FGF14: variants seen among roughly 807,000 people sequenced by gnomAD.
FGF14 encodes fibroblast growth factor homologous factor 4.
Under a neutral mutation model 25.5 loss-of-function variants are expected in FGF14, and 5 were observed. That is an observed-to-expected ratio of 0.20 (90% CI 0.10 to 0.41). FGF14 has a LOEUF of 0.41. Ranked by LOEUF, FGF14 falls within the 10% of genes least tolerant of loss-of-function variation. The pLI is 1.00. For missense variants in FGF14, 222 were observed against 320.1 expected (o/e 0.69, Z 2.34); for synonymous variants, 138 against 118.3 (o/e 1.17, Z -1.08).
intron 1 of FGF14, among the ~76,000 whole-genome samples, chr13:102,297,776 G>T (rs1234043707): frequency 4.6e-5 from 7 of 151,474 alleles, no homozygotes; most frequent in Non-Finnish European, 7.4e-5. Context: ...TGCATCTGCA[G>T]TCCCAGCTAC....
At chr13:101,938,558 A>G (rs1384360997) in intron 1 of FGF14, among the ~76,000 whole-genome samples, 1 of 152,216 alleles carries the variant, frequency 6.6e-6, no homozygotes, top group Non-Finnish European at 1.5e-5. Context: ...CATTGAGAAA[A>G]TTTTGTTTGT....
intron 1 of FGF14, chr13:102,002,479 C>T (rs2039551158): frequency 6.3e-6 from 1 of 157,638 alleles, no homozygotes; most frequent in Admixed American, 6.4e-5. Flanking sequence ...GTTGACTTTC[C>T]TTACAGCTGC....
chr13:101,965,541 A>G (rs2037137318), intron 1 of FGF14, among the ~76,000 whole-genome samples: 1 of 152,200 alleles, frequency 6.6e-6, no homozygotes, highest in Admixed American at 6.5e-5. Context: ...CAGAATCATC[A>G]GAGGCTCTGC....
At chr13:102,062,858 ATAT>A (rs944624308) in intron 1 of FGF14, among the ~76,000 whole-genome samples, 2 of 152,182 alleles carry the variant, frequency 1.3e-5, no homozygotes, top group Non-Finnish European at 2.9e-5. Context: ...TTATGCAAAA[ATAT>A]TATAATTTTC....
At chr13:101,788,901 TATATATATAGAGAGAGAGAGAGAG>T (rs2040034988) in intron 3 of FGF14, among the ~76,000 whole-genome samples, 3 of 41,364 alleles carry the variant, frequency 7.3e-5, no homozygotes, top group Non-Finnish European at 9.9e-5. Context: ...TATATATATA[TATATATATAGAGAGAGAGAGAGAG>T]AGAGAGAGAG....
At chr13:101,922,564 T>C (rs1190856594) in intron 1 of FGF14, among the ~76,000 whole-genome samples, 4 of 152,212 alleles carry the variant, frequency 2.6e-5, no homozygotes, top group Middle Eastern at 3.2e-3. Flanking sequence ...TTTTTCAAAT[T>C]TGCTACATCT....
At chr13:101,763,906 G>A (rs996969726) in intron 3 of FGF14, among the ~76,000 whole-genome samples, 2 of 150,408 alleles carry the variant, frequency 1.3e-5, no homozygotes, top group African/African-American at 4.9e-5. Flanking sequence ...CCCCAGAGCA[G>A]CAGATTGAGA....
chr13:101,936,171 C>A (rs935230070), intron 1 of FGF14, among the ~76,000 whole-genome samples: 2 of 152,198 alleles, frequency 1.3e-5, no homozygotes, highest in African/African-American at 4.8e-5. Flanking sequence ...GCAGCCAGTG[C>A]GCTCCTGCAG....
chr13:102,352,850 C>G (rs1417670316), intron 1 of FGF14, among the ~76,000 whole-genome samples: 2 of 151,606 alleles, frequency 1.3e-5, no homozygotes, highest in East Asian at 3.9e-4. Flanking sequence ...ATATAGTTAG[C>G]CAGAAAACAA....
chr13:102,297,300 T>C (rs555933755), intron 1 of FGF14, among the ~76,000 whole-genome samples: 65 of 152,158 alleles, frequency 4.3e-4, no homozygotes, highest in Non-Finnish European at 8.8e-4. Context: ...TTTGCAAAGC[T>C]GTCACAGTCT....
At chr13:102,055,731 C>T (rs1464905554) in intron 1 of FGF14, among the ~76,000 whole-genome samples, 2 of 152,198 alleles carry the variant, frequency 1.3e-5, no homozygotes, top group Non-Finnish European at 2.9e-5. Flanking sequence ...TTGGGCCAGA[C>T]CCAGCCTGCC....
intron 1 of FGF14, among the ~76,000 whole-genome samples, chr13:101,945,414 G>A (rs922164686): frequency 1.2e-4 from 19 of 152,154 alleles, no homozygotes; most frequent in Non-Finnish European, 2.4e-4. Flanking sequence ...ATCCAAACAC[G>A]TAAGTCTTCA....
Position 101,982,653 on chromosome 13 carries a change from A to G in FGF14, c.209-107357T>C, listed in dbSNP as rs143727706. ...GTAGCTAGGCATGCTAGGCCTCACA[A>G]AAGCTTAAGGAACTGGGTTATAAAG... is the stretch of plus-strand genomic sequence containing the variant. On this transcript the variant is annotated intron_variant, in intron 1 of 4. Transcript: ENST00000376131. 8.5e-3 allele frequency among the ~76,000 whole-genome samples: 1,291 copies of G among 152,292 alleles called. 9 individuals are homozygous for G. The highest frequency in any genetic ancestry group is 0.014 in the Middle Eastern group (4 of 294).
At chr13:101,980,796 C>G (rs1238130964) in intron 1 of FGF14, among the ~76,000 whole-genome samples, 2 of 152,146 alleles carry the variant, frequency 1.3e-5, no homozygotes, top group East Asian at 1.9e-4. Flanking sequence ...ATTTTTGGAA[C>G]AAATCTATCC....
chr13:101,789,933 T>G (rs909659726), intron 3 of FGF14, among the ~76,000 whole-genome samples: 4 of 151,630 alleles, frequency 2.6e-5, no homozygotes, highest in African/African-American at 9.7e-5. Context: ...CCTTACATTA[T>G]TCTTATTTTT....
chr13:102,193,013 T>C (rs1035046255), intron 1 of FGF14, among the ~76,000 whole-genome samples: 8 of 152,210 alleles, frequency 5.3e-5, no homozygotes, highest in Admixed American at 1.3e-4. Context: ...CCCCTATCCA[T>C]TGCCCACTTC....
intron 1 of FGF14, among the ~76,000 whole-genome samples, chr13:102,105,480 T>TA (rs1308457682): frequency 6.6e-6 from 1 of 152,234 alleles, no homozygotes. Flanking sequence ...AGCTTGAATG[T>TA]AAATGTTTAT....
chr13:101,818,633 ATATTAATAGG>A (rs2041959381), intron 3 of FGF14, among the ~76,000 whole-genome samples: 1 of 152,220 alleles, frequency 6.6e-6, no homozygotes, highest in Non-Finnish European at 1.5e-5. Context: ...CTATTAATAG[ATATTAATAGG>A]TATCTTAAGC....
At position 101,884,062 on chromosome 13, in the gene FGF14, C is replaced by CAAAAAAAAAAAA. The variant is rs11315735; in HGVS notation, c.194-8778_194-8767dup. On this transcript the variant is annotated intron_variant, in intron 1 of 4. Transcript: ENST00000376143. The stretch of plus-strand genomic sequence containing the variant: ...TGGGCAACAGAGTAAGACTCCATCT[C>CAAAAAAAAAAAA]AAAAAAAAAAAAAAAAAAAAAAAAA... 1.1e-3 allele frequency among the ~76,000 whole-genome samples: 43 copies of CAAAAAAAAAAAA among 37,830 alleles called. 3 individuals carry two copies. Among genetic ancestry groups the CAAAAAAAAAAAA allele is most frequent in the African/African-American group, 3.8e-3 (35 of 9,260 alleles). The allele number at this position is 37,830 out of a possible 152,430, so 24.8% of individuals were successfully genotyped here.
Sources: gnomAD v4.1 joint callset for allele counts (sites outside exome capture counted in the v4.1 genomes callset) on GRCh38, gnomAD v4.1.1 for gene constraint, MANE v1.5 for transcripts, NCBI Gene and HGNC (gene_info 2026-07-23, HGNC 2026-07-21) for gene names.